G2E3: variants seen among roughly 807,000 people sequenced by gnomAD.
The protein encoded by G2E3 is G2/M-phase specific E3 ubiquitin protein ligase.
A neutral mutation model predicts 92.8 loss-of-function variants in G2E3; 35 were observed. The ratio of observed to expected loss-of-function variants is 0.38; its 90% CI spans 0.29 to 0.50. The LOEUF (loss-of-function observed/expected upper bound fraction) is 0.50. Ranked by LOEUF, G2E3 falls within the 20% of genes least tolerant of loss-of-function variation. The probability of loss-of-function intolerance (pLI) is 0.94; values close to 1 mark genes in which losing one functional copy is unlikely to be tolerated. For synonymous variants in G2E3, 242 were observed against 272.4 expected (o/e 0.89, Z 1.10); for missense variants, 554 against 823.8 (o/e 0.67, Z 4.01).
At position 30,593,596 on chromosome 14, in the gene G2E3, G is replaced by C. The variant is rs1881125742; in HGVS notation, c.485G>C (p.Ser162Thr). The change falls in exon 6 of 15, where the codon AGT becomes ACT. Residue 162 changes from serine to threonine, a missense_variant. Transcript: ENST00000206595. ...EPIPSYNILR[S>T]PCCKNAWFHR... ...ATTCCAAGTTATAACATATTACGAAGTCCTTGTTGTAAGAACGCTTGGTTT... is the reference window on the plus strand; with the variant it reads ...ATTCCAAGTTATAACATATTACGAACTCCTTGTTGTAAGAACGCTTGGTTT... The C allele has an allele frequency of 6.2e-7, 1 of 1,608,034 alleles. No individual in the cohort carries two copies. Among genetic ancestry groups the C allele is most frequent in the Non-Finnish European group, 8.5e-7 (1 of 1,175,174 alleles).
intron 2 of G2E3, among the ~76,000 whole-genome samples, chr14:30,586,255 A>G (rs1880707974): frequency 6.6e-6 from 1 of 152,188 alleles, no homozygotes; most frequent in Admixed American, 6.5e-5. Context: ...CACCAGGAAC[A>G]CGGGCCACCC....
At chr14:30,593,216 G>A (rs1167971632) in intron 5 of G2E3, among the ~76,000 whole-genome samples, 3 of 152,048 alleles carry the variant, frequency 2.0e-5, no homozygotes, top group African/African-American at 7.2e-5. Context: ...TATTACACAG[G>A]ATTCTCAACA....
chr14:30,594,692 C>CA (rs959599969), intron 6 of G2E3, among the ~76,000 whole-genome samples: 73 of 131,688 alleles, frequency 5.5e-4, no homozygotes, highest in South Asian at 2.2e-3. Context: ...GACTCCATCT[C>CA]AAAAAAAAAA....
At chr14:30,574,918 T>C (rs1879985862) in intron 1 of G2E3, among the ~76,000 whole-genome samples, 1 of 152,212 alleles carries the variant, frequency 6.6e-6, no homozygotes, top group African/African-American at 2.4e-5. Flanking sequence ...TAGAATGATT[T>C]ATAGTCCTCT....
intron 1 of G2E3, among the ~76,000 whole-genome samples, chr14:30,561,422 A>G (rs1284566518): frequency 6.6e-6 from 1 of 152,174 alleles, no homozygotes; most frequent in East Asian, 1.9e-4. Context: ...TCTACCATAT[A>G]TAATTCAAAT....
intron 1 of G2E3, among the ~76,000 whole-genome samples, chr14:30,566,641 A>G (rs75469248): frequency 0.024 from 3,704 of 152,298 alleles, 86 homozygotes; most frequent in Middle Eastern, 0.048. Flanking sequence ...TGAATTCTGT[A>G]GGAAATTCTA....
chr14:30,585,571 T>TTAATCTTC (rs1284659702), intron 2 of G2E3, among the ~76,000 whole-genome samples: 7 of 152,068 alleles, frequency 4.6e-5, no homozygotes, highest in Non-Finnish European at 1.0e-4. Flanking sequence ...TTGTAAGTTT[T>TTAATCTTC]TAATCTTCTC....
intron 1 of G2E3, among the ~76,000 whole-genome samples, chr14:30,570,836 A>C (rs1051194757): frequency 2.6e-5 from 4 of 152,088 alleles, no homozygotes; most frequent in Admixed American, 6.6e-5. Context: ...TGTATTACTA[A>C]GTTTGAAGAG....
intron 1 of G2E3, among the ~76,000 whole-genome samples, chr14:30,575,556 A>C (rs947518755): frequency 2.0e-5 from 3 of 152,218 alleles, no homozygotes; most frequent in Admixed American, 6.5e-5. Flanking sequence ...AGGGCATCCA[A>C]ATAGGAAGAG....
Position 30,601,412 on chromosome 14 carries a change from A to G in G2E3, c.753-358A>G, listed in dbSNP as rs1319008343. 3.9e-5 allele frequency among the ~76,000 whole-genome samples: 6 copies of G among 152,334 alleles called. No homozygotes were observed. The East Asian group carries it at 1.2e-3, about 29-fold the overall frequency. On this transcript the variant is annotated intron_variant, in intron 8 of 14. Coordinates refer to ENST00000206595, the MANE Select transcript of G2E3 (RefSeq NM_017769.5). ...TTGAAATTTACTGAATGTTTCTTCC[A>G]TATCAGACACACTGACACAGCAATC...
intron 12 of G2E3, chr14:30,611,519 G>A (rs1373182499): frequency 3.9e-5 from 6 of 152,164 alleles, no homozygotes; most frequent in African/African-American, 1.2e-4. Context: ...AAATGGCCAA[G>A]TATTTCTTTG....
At position 30,595,965 on chromosome 14, in the gene G2E3, G is replaced by A. The variant is rs145726272; in HGVS notation, c.529-1455G>A. On this transcript the variant is annotated intron_variant, in intron 6 of 14. Transcript: ENST00000206595. The stretch of plus-strand genomic sequence containing the variant: ...CTAGTCTTGTTGGTATCTTCCATGT[G>A]TCTTATCCTGTTTTTTCTCCTCTAT... Among the ~76,000 whole-genome samples the A allele has an allele frequency of 2.6e-3, 389 of 152,126 alleles. 2 individuals are homozygous for A. The highest frequency in any genetic ancestry group is 8.0e-3 in the African/African-American group (332 of 41,500).
At chr14:30,570,516 T>G (rs1879695722) in intron 1 of G2E3, among the ~76,000 whole-genome samples, 1 of 152,116 alleles carries the variant, frequency 6.6e-6, no homozygotes, top group Non-Finnish European at 1.5e-5. Context: ...TGGGCTCTGT[T>G]TATTTTTCAT....
intron 12 of G2E3, chr14:30,612,005 C>T (rs188334741): frequency 2.1e-6 from 1 of 478,810 alleles, no homozygotes. Context: ...GCATTATACT[C>T]TGGATTTCTT....
At chr14:30,607,855 G>A (rs969739208) in intron 11 of G2E3, 33 bp from the exon 12 acceptor site, 2 of 1,146,164 alleles carry the variant, frequency 1.7e-6, no homozygotes, top group Non-Finnish European at 2.5e-6. Context: ...AATAATAGAA[G>A]TGTATTTGAT....
At chr14:30,607,221 TTTTATA>T (rs142227251) in intron 11 of G2E3, among the ~76,000 whole-genome samples, 1,925 of 152,216 alleles carry the variant, frequency 0.013, 45 homozygotes, top group African/African-American at 0.045. Flanking sequence ...AAGTCAAACT[TTTTATA>T]TTTATATACA....
At chr14:30,580,870 A>T in intron 1 of G2E3, 1 of 493,274 alleles carries the variant, frequency 2.0e-6, no homozygotes, top group Non-Finnish European at 3.7e-6. Flanking sequence ...ACAGCTAAAA[A>T]ACATTCCCTT....
At chr14:30,607,850 T>C (rs751539279) in intron 11 of G2E3, 38 bp from the exon 12 acceptor site, 1 of 1,081,810 alleles carries the variant, frequency 9.2e-7, no homozygotes, top group South Asian at 1.4e-5. Flanking sequence ...CTTATAATAA[T>C]AGAAGTGTAT....
chr14:30,575,249 T>G (rs10143362), intron 1 of G2E3, among the ~76,000 whole-genome samples: 8,749 of 152,256 alleles, frequency 0.057, 324 homozygotes, highest in African/African-American at 0.091. Context: ...GCTTATGTCC[T>G]TTGGCCACTT....
Sources: allele counts gnomAD v4.1 joint callset (sites outside exome capture counted in the v4.1 genomes callset), GRCh38; gene constraint gnomAD v4.1.1; transcripts MANE v1.5; gene names NCBI Gene and HGNC (gene_info 2026-07-23, HGNC 2026-07-21).